WWP2: variants seen among roughly 807,000 people sequenced by gnomAD.
The protein encoded by WWP2 is WW domain containing E3 ubiquitin protein ligase 2, also known as NEDD4-like E3 ubiquitin-protein ligase WWP2.
WWP2 carries 57 observed loss-of-function variants against 121.0 expected under a neutral mutation model. The observed-to-expected ratio is 0.47, with a 90% CI of 0.38 to 0.59. The LOEUF is 0.59. Among genes scored for constraint, WWP2 ranks in the 20% least tolerant of loss-of-function variants. The pLI is 0.00. For synonymous variants in WWP2, 449 were observed against 441.3 expected (o/e 1.02, Z -0.22); for missense variants, 962 against 1,158.9 (o/e 0.83, Z 2.47).
chr16:69,928,466 T>G (rs2058669063), intron 11 of WWP2, among the ~76,000 whole-genome samples: 1 of 151,894 alleles, frequency 6.6e-6, no homozygotes, highest in Non-Finnish European at 1.5e-5. Context: ...GAGCACAGAC[T>G]CCTCCCTTGG....
intron 21 of WWP2, 111 bp from the exon 22 acceptor site, chr16:69,938,916 T>C: frequency 1.1e-6 from 1 of 930,468 alleles, no homozygotes; most frequent in Non-Finnish European, 1.7e-6. Context: ...CAACCTGGCT[T>C]TGTGTTCTCA....
At chr16:69,764,297 C>G (rs907149636) in intron 1 of WWP2, among the ~76,000 whole-genome samples, 2 of 152,156 alleles carry the variant, frequency 1.3e-5, no homozygotes, top group Non-Finnish European at 2.9e-5. Flanking sequence ...CCTGCCTGGG[C>G]TCGGGTGATC....
At chr16:69,846,139 T>C (rs908286039) in intron 6 of WWP2, among the ~76,000 whole-genome samples, 1 of 151,326 alleles carries the variant, frequency 6.6e-6, no homozygotes, top group African/African-American at 2.4e-5. Flanking sequence ...GCGGCATACA[T>C]TTGTTTGCCC....
intron 8 of WWP2, 72 bp from the exon 9 acceptor site, chr16:69,908,689 G>A: frequency 6.5e-7 from 1 of 1,544,130 alleles, no homozygotes; most frequent in Middle Eastern, 1.7e-4. Flanking sequence ...GAGTGATGAA[G>A]GTCTTCCTTT....
intron 4 of WWP2, among the ~76,000 whole-genome samples, chr16:69,828,397 G>A (rs1232033255): frequency 1.3e-5 from 2 of 151,726 alleles, no homozygotes; most frequent in Admixed American, 6.6e-5. Flanking sequence ...ACATAGTTTC[G>A]CTCTTGTTGC....
At chr16:69,870,894 C>A (rs552407518) in intron 6 of WWP2, among the ~76,000 whole-genome samples, 1 of 152,300 alleles carries the variant, frequency 6.6e-6, no homozygotes, top group South Asian at 2.1e-4. Context: ...CTGAAGATGT[C>A]TGATAGGTTT....
intron 4 of WWP2, among the ~76,000 whole-genome samples, chr16:69,821,132 G>T (rs2056585772): frequency 6.6e-6 from 1 of 152,212 alleles, no homozygotes; most frequent in Non-Finnish European, 1.5e-5. Flanking sequence ...ATTTCAGGCT[G>T]TCTTTAGCGG....
intron 8 of WWP2, among the ~76,000 whole-genome samples, chr16:69,899,285 A>G (rs750895622): frequency 6.6e-5 from 10 of 152,126 alleles, no homozygotes; most frequent in Admixed American, 2.0e-4. Context: ...TTAGGCAGGC[A>G]GATTGCTTGA....
rs373785316 is a variant in WWP2, at chr16:69,887,917, G to A, written c.704-122G>A. Reference sequence around the variant, plus strand: ...ATGTTTTGTAAAACTTTTTGCTGTCGCCCAATACATGTAGTGTAACATTGT... The same window carrying A: ...ATGTTTTGTAAAACTTTTTGCTGTCACCCAATACATGTAGTGTAACATTGT... On this transcript the variant is annotated intron_variant, in intron 7 of 23. Transcript: ENST00000359154. The A allele has an allele frequency of 3.9e-5, 47 of 1,192,150 alleles. 1 individual carries two copies. Among genetic ancestry groups the A allele is most frequent in the East Asian group, 1.5e-4 (6 of 40,898 alleles). 73.8% of individuals were successfully genotyped at this position (1,192,150 alleles called of 1,614,324 possible).
Position 69,888,141 on chromosome 16 carries a change from C to T in WWP2, c.806C>T (p.Thr269Met), listed in dbSNP as rs1466372901. ...APLSVTPNPNTTSLPAPATPA... is the reference protein window; with the variant it reads ...APLSVTPNPNMTSLPAPATPA... ...TTGAGTGTGACCCCGAATCCCAACA[C>T]GACTTCTCTCCCTGCCCCAGCCACA... Residue 269 changes from threonine to methionine, a missense_variant, in exon 8 of 24, where the codon ACG (threonine) becomes ATG (methionine). By Grantham distance (81) the Thr-to-Met change is moderately conservative (BLOSUM62 -1). This residue lies in a region of WWP2 where 211 missense variants were observed against 196.5 expected (regional missense o/e 1.07). Coordinates refer to ENST00000359154, the MANE Select transcript of WWP2 (RefSeq NM_001270454.2). 6.2e-6 allele frequency: 10 copies of T among 1,614,220 alleles called. No homozygotes were observed. Among genetic ancestry groups the T allele is most frequent in the Admixed American group, 1.7e-5 (1 of 60,028 alleles).
chr16:69,821,724 CTTTT>C (rs557543615), intron 4 of WWP2, among the ~76,000 whole-genome samples: 10 of 130,786 alleles, frequency 7.6e-5, no homozygotes, highest in Admixed American at 8.1e-5. Context: ...TTCTTTCTTA[CTTTT>C]TTTTTTTTTT....
At chr16:69,889,451 G>C (rs28444781) in intron 8 of WWP2, among the ~76,000 whole-genome samples, 1 of 152,178 alleles carries the variant, frequency 6.6e-6, no homozygotes, top group Non-Finnish European at 1.5e-5. Flanking sequence ...CTGTGAATCA[G>C]ACAGCTCTGG....
intron 4 of WWP2, among the ~76,000 whole-genome samples, chr16:69,801,334 G>C (rs1203734173): frequency 6.6e-6 from 1 of 150,810 alleles, no homozygotes. Context: ...GGGCTCAAGT[G>C]ATCCTCCCAC....
intron 4 of WWP2, among the ~76,000 whole-genome samples, chr16:69,828,655 G>A (rs1597014239): frequency 1.3e-5 from 2 of 152,062 alleles, no homozygotes; most frequent in Middle Eastern, 3.2e-3. Context: ...GTGAGCCATC[G>A]TGCCTGGCCT....
At chr16:69,911,118 A>T (rs1273564168) in intron 9 of WWP2, among the ~76,000 whole-genome samples, 1 of 152,246 alleles carries the variant, frequency 6.6e-6, no homozygotes, top group Non-Finnish European at 1.5e-5. Context: ...GAAACTACAG[A>T]TGGAGCCATG....
At chr16:69,924,395 C>T (rs543709370) in intron 10 of WWP2, among the ~76,000 whole-genome samples, 1 of 151,844 alleles carries the variant, frequency 6.6e-6, no homozygotes, top group East Asian at 1.9e-4. Flanking sequence ...CCTCTTATAA[C>T]GATTAAATTT....
intron 6 of WWP2, among the ~76,000 whole-genome samples, chr16:69,862,087 C>G (rs1311352846): frequency 6.6e-6 from 1 of 152,158 alleles, no homozygotes; most frequent in Non-Finnish European, 1.5e-5. Flanking sequence ...TGTTTTGAGA[C>G]AGACTTTCGC....
chr16:69,863,173 C>T (rs1024776311), intron 6 of WWP2, among the ~76,000 whole-genome samples: 13 of 152,262 alleles, frequency 8.5e-5, no homozygotes, highest in Middle Eastern at 3.4e-3. Context: ...TGACCATACC[C>T]TCACGCCATA....
In WWP2 at chr16:69,819,273, A is replaced by G. The variant is rs112819988; in HGVS notation, c.340+19978A>G. Among the ~76,000 whole-genome samples, 1,087 of 152,330 alleles carry G rather than the reference A, an allele frequency of 7.1e-3. 12 individuals are homozygous for G. Among genetic ancestry groups the G allele is most frequent in the African/African-American group, 0.025 (1,034 of 41,574 alleles). On this transcript the variant is annotated intron_variant, in intron 4 of 23. Coordinates refer to ENST00000359154, the MANE Select transcript of WWP2 (RefSeq NM_001270454.2). ...TGAATGCAGCAGCCAGAATAATTCA[A>G]ACCAGAAGTCAAATTGTATTGCTAC...
Sources: gnomAD v4.1 joint callset for allele counts (sites outside exome capture counted in the v4.1 genomes callset) on GRCh38, gnomAD v4.1.1 for gene constraint, gnomAD v4.1.1 regional missense constraint, MANE v1.5 for transcripts, NCBI Gene and HGNC (gene_info 2026-07-23, HGNC 2026-07-21) for gene names.